KIAA0513: variants seen among roughly 807,000 people sequenced by gnomAD.
KIAA0513 encodes the protein KIAA0513.
Under a neutral mutation model 56.5 loss-of-function variants are expected in KIAA0513, and 39 were observed. The ratio of observed to expected loss-of-function variants is 0.69; its 90% CI spans 0.53 to 0.90. The LOEUF (loss-of-function observed/expected upper bound fraction) is 0.90. Among genes scored for constraint, KIAA0513 ranks in the 40% least tolerant of loss-of-function variants. The probability of loss-of-function intolerance (pLI) is 0.00; values close to 1 mark genes in which losing one functional copy is unlikely to be tolerated. For missense variants in KIAA0513, 591 were observed against 535.2 expected (o/e 1.10, Z -1.03); for synonymous variants, 268 against 215.6 (o/e 1.24, Z -2.13).
intron 8 of KIAA0513, 35 bp downstream of exon 8, chr16:85,079,038 TACTG>T (rs2144076483): frequency 6.2e-7 from 1 of 1,614,000 alleles, no homozygotes; most frequent in Non-Finnish European, 8.5e-7. Context: ...GTCACCCTCT[TACTG>T]ACGGGGCCAG....
In KIAA0513 at chr16:85,038,721, AAATAAT is replaced by A. The variant is rs1204727786; in HGVS notation, c.-173+10874_-173+10879del. On this transcript the variant is annotated intron_variant, in intron 1 of 12. Transcript: ENST00000683363. ...AGACTCAGCCTCAAAAAAAAAAAAA[AAATAAT>A]AATAATAATATCTTTGTTGATAGAT... 7.3e-4 allele frequency among the ~76,000 whole-genome samples: 98 copies of A among 135,156 alleles called. 1 individual carries two copies. In the East Asian group the frequency reaches 0.021, roughly 28 times the overall value. The allele number at this position is 135,156 out of a possible 152,430, so 88.7% of individuals were successfully genotyped here.
At chr16:85,032,219 A>C (rs1228512999) in intron 1 of KIAA0513, among the ~76,000 whole-genome samples, 1 of 152,192 alleles carries the variant, frequency 6.6e-6, no homozygotes, top group Admixed American at 6.5e-5. Flanking sequence ...CTGTGGCCAC[A>C]TGGCCTACTT....
rs1460188665 is a variant in KIAA0513, at chr16:85,090,239, TCTC to T, written c.*1920_*1922del. On this transcript the variant is annotated 3_prime_UTR_variant, in exon 13 of 13. Transcript: ENST00000683363. Reference sequence around the variant, plus strand: ...TCCAGCCACGGCTCCAGGGCACTGCTCTCCTCCTTGCACCGGTGAAACTCAGGC... The same window carrying T: ...TCCAGCCACGGCTCCAGGGCACTGCTCTCCTTGCACCGGTGAAACTCAGGC... 3.3e-5 allele frequency: 5 copies of T among 152,210 alleles called. No individual in the cohort carries two copies. In the East Asian group the frequency reaches 5.8e-4, roughly 18 times the overall value. 9.4% of individuals were successfully genotyped at this position (152,210 alleles called of 1,614,324 possible).
At chr16:85,087,472 C>G (rs552785959) in intron 12 of KIAA0513, among the ~76,000 whole-genome samples, 2 of 152,218 alleles carry the variant, frequency 1.3e-5, no homozygotes, top group African/African-American at 4.8e-5. Context: ...TCAGCTTGCA[C>G]GGAGCCAAAC....
chr16:85,050,221 G>A (rs1390393312), intron 1 of KIAA0513, among the ~76,000 whole-genome samples: 2 of 152,166 alleles, frequency 1.3e-5, no homozygotes, highest in Non-Finnish European at 2.9e-5. Flanking sequence ...AGGGCAAAGT[G>A]TAAATCCAGG....
At chr16:85,060,766 C>T (rs149901933) in intron 1 of KIAA0513, among the ~76,000 whole-genome samples, 3 of 151,492 alleles carry the variant, frequency 2.0e-5, no homozygotes, top group African/African-American at 7.3e-5. Flanking sequence ...ATCACTTGAG[C>T]ACAGGAGGTC....
chr16:85,071,639 G>A (rs1803192656), intron 2 of KIAA0513, 144 bp from the exon 3 acceptor site: 2 of 648,406 alleles, frequency 3.1e-6, no homozygotes, highest in East Asian at 5.5e-5. Context: ...CCGCCCGGAG[G>A]CTGAGATGAG....
At chr16:85,059,503 C>T (rs531520673) in intron 1 of KIAA0513, among the ~76,000 whole-genome samples, 7 of 152,288 alleles carry the variant, frequency 4.6e-5, no homozygotes, top group African/African-American at 1.4e-4. Flanking sequence ...GTGGGGTGCC[C>T]GAGTGCGAAC....
chr16:85,043,450 C>A (rs2073130118), intron 1 of KIAA0513, among the ~76,000 whole-genome samples: 1 of 129,808 alleles, frequency 7.7e-6, no homozygotes, highest in South Asian at 2.7e-4. Flanking sequence ...CTCGCTCCAT[C>A]ACCCAGGCTG....
At chr16:85,059,564 G>A (rs1402245719) in intron 1 of KIAA0513, among the ~76,000 whole-genome samples, 2 of 152,186 alleles carry the variant, frequency 1.3e-5, no homozygotes, top group South Asian at 4.1e-4. Context: ...GGTGGTCCCC[G>A]CACACACCCC....
intron 11 of KIAA0513, 114 bp downstream of exon 11, chr16:85,086,838 G>A (rs2073815140): frequency 9.8e-7 from 1 of 1,015,320 alleles, no homozygotes; most frequent in South Asian, 1.5e-5. Context: ...GAGGCATGGG[G>A]TTCATCACAC....
intron 5 of KIAA0513, 54 bp downstream of exon 5, chr16:85,075,968 T>C (rs2073650342): frequency 1.5e-6 from 2 of 1,371,466 alleles, no homozygotes; most frequent in Non-Finnish European, 2.1e-6. Context: ...CTGCTGATAA[T>C]ATGGTGTCAG....
chr16:85,073,408 C>G (rs1306642586), intron 4 of KIAA0513, among the ~76,000 whole-genome samples: 6 of 152,252 alleles, frequency 3.9e-5, no homozygotes, highest in African/African-American at 1.4e-4. Flanking sequence ...AGGACTGTAG[C>G]TTTCCCTGCG....
chr16:85,047,449 C>T (rs772233093), intron 1 of KIAA0513, among the ~76,000 whole-genome samples: 7 of 152,208 alleles, frequency 4.6e-5, no homozygotes, highest in Non-Finnish European at 1.0e-4. Context: ...CTCTGCCACG[C>T]TTCTCCCGTG....
At chr16:85,068,573 C>T (rs1052105038) in intron 2 of KIAA0513, among the ~76,000 whole-genome samples, 6 of 151,732 alleles carry the variant, frequency 4.0e-5, no homozygotes, top group African/African-American at 7.3e-5. Context: ...ACCTCATGAT[C>T]CGCCTGCCTT....
At chr16:85,082,092 C>T (rs762420077) in intron 9 of KIAA0513, among the ~76,000 whole-genome samples, 2 of 152,250 alleles carry the variant, frequency 1.3e-5, no homozygotes, top group African/African-American at 4.8e-5. Context: ...ACTGGGGAGA[C>T]CCTCTACCCT....
chr16:85,028,176 G>C (rs911020298), intron 1 of KIAA0513, among the ~76,000 whole-genome samples: 2 of 152,218 alleles, frequency 1.3e-5, no homozygotes, highest in South Asian at 4.1e-4. Context: ...CCGCTGCCTG[G>C]AGGAGGCGCC....
At chr16:85,056,072 C>A (rs113773290) in intron 1 of KIAA0513, among the ~76,000 whole-genome samples, 2,804 of 152,360 alleles carry the variant, frequency 0.018, 40 homozygotes, top group South Asian at 0.056. Context: ...AGCCCAGACC[C>A]CCCTGAAAGC....
chr16:85,067,874 G>C (rs1448693236), intron 2 of KIAA0513, among the ~76,000 whole-genome samples: 1 of 151,536 alleles, frequency 6.6e-6, no homozygotes, highest in African/African-American at 2.4e-5. Flanking sequence ...GCAGTGGTGC[G>C]ATCTCAGCTT....
Sources: allele counts gnomAD v4.1 joint callset (sites outside exome capture counted in the v4.1 genomes callset), GRCh38; gene constraint gnomAD v4.1.1; transcripts MANE v1.5; gene names NCBI Gene and HGNC (gene_info 2026-07-23, HGNC 2026-07-21).